Variants in ATP6V1C2 observed in about 807,000 individuals in gnomAD.
The protein encoded by ATP6V1C2 is ATPase H+ transporting V1 subunit C2.
In ATP6V1C2, 45 loss-of-function variants were observed where a neutral mutation model predicts 56.8. That is an observed-to-expected ratio of 0.79 (90% CI 0.62 to 1.02). ATP6V1C2 has a LOEUF of 1.02. ATP6V1C2 is among the 50% of genes least tolerant of loss of function. The pLI is 0.00. For synonymous variants in ATP6V1C2, 220 were observed against 201.3 expected (o/e 1.09, Z -0.79); for missense variants, 463 against 519.7 (o/e 0.89, Z 1.06).
chr2:10,750,845 G>A (rs1410774913), intron 3 of ATP6V1C2, among the ~76,000 whole-genome samples: 3 of 152,306 alleles, frequency 2.0e-5, no homozygotes, highest in South Asian at 2.1e-4. Context: ...TAGGAGCTCC[G>A]AAAGAGCAGG....
At chr2:10,734,171 CTG>C (rs905709075) in intron 3 of ATP6V1C2, among the ~76,000 whole-genome samples, 2 of 152,118 alleles carry the variant, frequency 1.3e-5, no homozygotes, top group African/African-American at 4.8e-5. Flanking sequence ...GGCAGCCCTA[CTG>C]TGTGTGTCTG....
chr2:10,756,718 A>C (rs899675564), intron 4 of ATP6V1C2, among the ~76,000 whole-genome samples: 5 of 152,126 alleles, frequency 3.3e-5, no homozygotes, highest in African/African-American at 1.2e-4. Context: ...ACTCTGTCTC[A>C]AAAAAAGAAA....
intron 10 of ATP6V1C2, among the ~76,000 whole-genome samples, chr2:10,776,770 G>A (rs1399906929): frequency 6.6e-6 from 1 of 152,188 alleles, no homozygotes; most frequent in Non-Finnish European, 1.5e-5. Context: ...CCAGACCCCC[G>A]GGGAACAGGG....
At position 10,780,895 on chromosome 2, in the gene ATP6V1C2, C is replaced by A. The variant is rs992368216; in HGVS notation, c.1062-1348C>A. ...TAGTAGCTGGGATTACAGGCGTGCA[C>A]CACCACGCCCAGCTAATTTTTGTAA... On this transcript the variant is annotated intron_variant, in intron 12 of 13. Transcript: ENST00000272238. The surrounding 1 kb of genome is among the most constrained non-coding windows in gnomAD (Gnocchi z 4.1). 6.6e-6 allele frequency among the ~76,000 whole-genome samples: 1 copy of A among 152,148 alleles called. No individual in the cohort carries two copies. Among genetic ancestry groups the A allele is most frequent in the Non-Finnish European group, 1.5e-5 (1 of 68,028 alleles).
intron 6 of ATP6V1C2, 70 bp from the exon 7 acceptor site, chr2:10,771,769 G>A: frequency 1.6e-6 from 2 of 1,234,594 alleles, no homozygotes; most frequent in Non-Finnish European, 1.2e-6. Context: ...CCCGGGTGTG[G>A]GTGTGTGTGG....
At chr2:10,782,829 CAAAAAAAAAAAAAAAAAAA>C (rs60533807) in intron 13 of ATP6V1C2, among the ~76,000 whole-genome samples, 5 of 52,204 alleles carry the variant, frequency 9.6e-5, no homozygotes, top group Admixed American at 3.4e-4. Flanking sequence ...GACTCTGTCT[CAAAAAAAAAAAAAAAAAAA>C]AAAAAAAAAA....
At chr2:10,726,669 T>C in intron 3 of ATP6V1C2, 100 bp downstream of exon 3, 2 of 1,116,870 alleles carry the variant, frequency 1.8e-6, no homozygotes, top group Non-Finnish European at 2.7e-6. Context: ...TGGACTTGTC[T>C]AGACCTGGTT....
intron 3 of ATP6V1C2, among the ~76,000 whole-genome samples, chr2:10,749,741 T>C (rs1337948579): frequency 2.0e-5 from 3 of 152,264 alleles, no homozygotes; most frequent in Non-Finnish European, 4.4e-5. Flanking sequence ...AAAATGTATT[T>C]ATTTGTTTTT....
In ATP6V1C2 at chr2:10,746,125, G is replaced by A. The variant is rs569540742; in HGVS notation, c.198-7856G>A. 4.0e-5 allele frequency among the ~76,000 whole-genome samples: 6 copies of A among 151,380 alleles called. No homozygotes were observed. In the East Asian group the frequency reaches 7.9e-4, roughly 20 times the overall value. On this transcript the variant is annotated intron_variant, in intron 3 of 13. Coordinates refer to ENST00000272238, the MANE Select transcript of ATP6V1C2 (RefSeq NM_001039362.2). ...AGCAATTCTCCTGCCTCAGCCTCCCGAGTAGCTGGAACTACAGGTGTGTGC... is the reference window on the plus strand; with the variant it reads ...AGCAATTCTCCTGCCTCAGCCTCCCAAGTAGCTGGAACTACAGGTGTGTGC...
At position 10,733,178 on chromosome 2, in the gene ATP6V1C2, G is replaced by A. The variant is rs1312793252; in HGVS notation, c.197+6609G>A. 2.6e-5 allele frequency among the ~76,000 whole-genome samples: 4 copies of A among 152,302 alleles called. No individual in the cohort carries two copies. The South Asian group carries it at 8.3e-4, about 32-fold the overall frequency. On this transcript the variant is annotated intron_variant, in intron 3 of 13. Coordinates refer to ENST00000272238, the MANE Select transcript of ATP6V1C2 (RefSeq NM_001039362.2). ...TCCTATCAGGGGGAAGGAAAATGGT[G>A]TGGTCTGAGCACGTCAAAATTCTAA...
In ATP6V1C2 at chr2:10,778,558, T is replaced by C. The variant is rs1314420159; in HGVS notation, c.964-14T>C. The C allele has an allele frequency of 3.7e-6, 6 of 1,613,518 alleles. No homozygotes were observed. The highest frequency in any genetic ancestry group is 1.3e-5 in the African/African-American group (1 of 74,934). On this transcript the variant is annotated splice_polypyrimidine_tract_variant and intron_variant, in intron 11 of 13. Transcript: ENST00000272238. ...GTGTTCAGCAGGGGTCACCTGGCTC[T>C]TCTGTCTTTGCAGGGCCCCCTGCTG... is the stretch of plus-strand genomic sequence containing the variant.
intron 3 of ATP6V1C2, among the ~76,000 whole-genome samples, chr2:10,731,821 A>C (rs549806060): frequency 6.6e-6 from 1 of 152,060 alleles, no homozygotes; most frequent in Non-Finnish European, 1.5e-5. Context: ...AAAAAATACA[A>C]AATTTAGCCA....
intron 3 of ATP6V1C2, among the ~76,000 whole-genome samples, chr2:10,746,242 T>G (rs943931163): frequency 6.6e-6 from 1 of 152,182 alleles, no homozygotes; most frequent in African/African-American, 2.4e-5. Context: ...TCAAGTGATC[T>G]GCCCACCTTG....
rs193214281 is a variant in ATP6V1C2, at chr2:10,754,377, C to T, written c.283+311C>T. On this transcript the variant is annotated intron_variant, in intron 4 of 13. Coordinates refer to ENST00000272238, the MANE Select transcript of ATP6V1C2 (RefSeq NM_001039362.2). The stretch of plus-strand genomic sequence containing the variant: ...AGTAGCTGGGACTACAGGCACCCAC[C>T]GCCACGCCTGGCTAATTTTTGTATT... 1.7e-3 allele frequency among the ~76,000 whole-genome samples: 264 copies of T among 152,024 alleles called. 1 individual carries two copies. Among genetic ancestry groups the T allele is most frequent in the Non-Finnish European group, 1.2e-4 (8 of 67,982 alleles).
At chr2:10,781,399 A>C in intron 12 of ATP6V1C2, among the ~76,000 whole-genome samples, 1 of 151,938 alleles carries the variant, frequency 6.6e-6, no homozygotes, top group Non-Finnish European at 1.5e-5. Flanking sequence ...AATCGGTTGA[A>C]CCCAGGAAGT....
intron 10 of ATP6V1C2, 106 bp downstream of exon 10, chr2:10,775,177 G>C: frequency 1.2e-6 from 1 of 850,580 alleles, no homozygotes; most frequent in Non-Finnish European, 1.9e-6. Context: ...TTGTCCCCAG[G>C]CTCCTGGGCT....
intron 3 of ATP6V1C2, among the ~76,000 whole-genome samples, chr2:10,741,770 T>C (rs2148435359): frequency 6.6e-6 from 1 of 152,264 alleles, no homozygotes; most frequent in South Asian, 2.1e-4. Flanking sequence ...CATTCAGATA[T>C]AAATCCTTAG....
rs115923676 is a variant in ATP6V1C2 at position 10,752,417 on chromosome 2, T to C, written c.198-1564T>C. On this transcript the variant is annotated intron_variant, in intron 3 of 13. Transcript: ENST00000272238. The stretch of plus-strand genomic sequence containing the variant: ...GGAAGACCTTGTACTCCATGTAGGA[T>C]TCAGTGACTTGAGTCCGCTCCTCCT... Among the ~76,000 whole-genome samples the C allele has an allele frequency of 5.3e-3, 814 of 152,218 alleles. 5 individuals are homozygous for C. Among genetic ancestry groups the C allele is most frequent in the Admixed American group, 0.013 (195 of 15,278 alleles).
At chr2:10,772,024 G>A in intron 7 of ATP6V1C2, 87 bp downstream of exon 7, 5 of 1,175,544 alleles carry the variant, frequency 4.3e-6, no homozygotes, top group Non-Finnish European at 2.5e-6. Flanking sequence ...GTGTGGACGA[G>A]GATGCTCCCT....
Sources: allele counts gnomAD v4.1 joint callset (sites outside exome capture counted in the v4.1 genomes callset), GRCh38; gene constraint gnomAD v4.1.1; non-coding constraint Gnocchi (gnomAD v3.1); transcripts MANE v1.5; gene names NCBI Gene and HGNC (gene_info 2026-07-23, HGNC 2026-07-21).